SCGB1C2: variants seen among roughly 807,000 people sequenced by gnomAD.
SCGB1C2 encodes the protein secretoglobin family 1C member 2.
SCGB1C2 carries 3 observed loss-of-function variants against 8.4 expected under a neutral mutation model. That is an observed-to-expected ratio of 0.36 (90% CI 0.16 to 0.92). SCGB1C2 has a LOEUF of 0.92. Among genes scored for constraint, SCGB1C2 ranks in the 40% least tolerant of loss-of-function variants. The pLI is 0.45. For synonymous variants in SCGB1C2, 18 were observed against 44.9 expected (o/e 0.40, Z 2.39); for missense variants, 54 against 105.7 (o/e 0.51, Z 2.14).
chr17:138,860 C>T, intron 2 of SCGB1C2, 50 bp from the exon 3 acceptor site: 2 of 530,658 alleles, frequency 3.8e-6, no homozygotes, highest in Non-Finnish European at 6.5e-6. Context: ...AGCTGTGGCT[C>T]TCCACTTATT....
chr17:138,665 A>G lies in SCGB1C2; in HGVS notation c.256-245A>G, dbSNP rs1188610964. ...CAGAGATCCAAACACAGGTGCAGAC[A>G]TGAAATGTACACTGCGTGCACACAT... On this transcript the variant is annotated intron_variant, in intron 2 of 2. Transcript: ENST00000595228. Among the ~76,000 whole-genome samples, 2 of 83,676 alleles carry G rather than the reference A, an allele frequency of 2.4e-5. 1 individual carries two copies. Among genetic ancestry groups the G allele is most frequent in the African/African-American group, 1.0e-4 (2 of 19,904 alleles). The allele number at this position is 83,676 out of a possible 152,430, so 54.9% of individuals were successfully genotyped here. A position where few individuals can be genotyped will look rare whatever the true frequency, so the allele number is the denominator to read the frequency against.
chr17:138,361 G>A lies in SCGB1C2; in HGVS notation c.214G>A (p.Gly72Ser). ...AMTELKSCRD[G>S]LQPMHKAELV... ...GACTGAACTCAAGTCCTGCAGAGATGGCCTGCAGCCAATGCACAAGGCGGA... is the reference window on the plus strand; with the variant it reads ...GACTGAACTCAAGTCCTGCAGAGATAGCCTGCAGCCAATGCACAAGGCGGA... Residue 72 changes from glycine (G) to serine (S), a missense_variant, in exon 2 of 3, where the codon GGC (glycine) becomes AGC (serine). Gly to Ser is a moderately conservative substitution (Grantham distance 56, BLOSUM62 0). Around this residue, in one of 2 missense-constraint regions of SCGB1C2, gnomAD observed 54 missense variants for 68.0 expected, o/e 0.79. Coordinates refer to ENST00000595228, the MANE Select transcript of SCGB1C2 (RefSeq NM_001097610.3). The A allele has an allele frequency of 6.2e-7, 1 of 1,612,836 alleles. No homozygotes were observed. The highest frequency in any genetic ancestry group is 8.5e-7 in the Non-Finnish European group (1 of 1,179,816).
intron 2 of SCGB1C2, 126 bp from the exon 3 acceptor site, chr17:138,784 G>C (rs2039968445): frequency 1.9e-6 from 1 of 536,356 alleles, no homozygotes; most frequent in South Asian, 2.0e-5. Context: ...CCTCCCAGCT[G>C]CTGGGAGGAG....
intron 2 of SCGB1C2, 92 bp downstream of exon 2, chr17:138,494 G>A: frequency 1.8e-6 from 1 of 553,272 alleles, no homozygotes. Context: ...CCCACCCACA[G>A]ACATCCACCA....
Position 138,278 on chromosome 17 carries a change from A to G in SCGB1C2, c.131A>G (p.Glu44Gly). Residue 44 changes from glutamate to glycine, a missense_variant, in exon 2 of 3, where the codon GAG becomes GGG. Glu to Gly is a moderately conservative substitution (Grantham distance 98, BLOSUM62 -2). Coordinates refer to ENST00000595228, the MANE Select transcript of SCGB1C2 (RefSeq NM_001097610.3). ...LQTLLVGTPE[E>G]LYEGTLGKYN... ...ACACTACTGGTGGGGACCCCAGAGG[A>G]GCTCTATGAGGGGACCTTGGGCAAG... 8.1e-7 allele frequency: 1 copy of G among 1,227,972 alleles called. No homozygotes were observed. The allele number at this position is 1,227,972 out of a possible 1,614,324, so 76.1% of individuals were successfully genotyped here. A position where few individuals can be genotyped will look rare whatever the true frequency, so the allele number is the denominator to read the frequency against.
At chr17:138,712 C>CATGCTCACACTGGGAT in intron 2 of SCGB1C2, among the ~76,000 whole-genome samples, 198 bp from the exon 3 acceptor site, 1 of 76,726 alleles carries the variant, frequency 1.3e-5, no homozygotes, top group African/African-American at 5.4e-5. Flanking sequence ...TTCACACCCA[C>CATGCTCACACTGGGAT]ATGCTCACAC....
In SCGB1C2 at chr17:138,413, G is replaced by A. The variant is rs1464495670; in HGVS notation, c.255+11G>A. 50 of 1,495,460 alleles carry A rather than the reference G, an allele frequency of 3.3e-5. No individual in the cohort carries two copies. The highest frequency in any genetic ancestry group is 2.1e-4 in the African/African-American group (15 of 70,382). The allele number at this position is 1,495,460 out of a possible 1,614,324, so 92.6% of individuals were successfully genotyped here. A position where few individuals can be genotyped will look rare whatever the true frequency, so the allele number is the denominator to read the frequency against. On this transcript the variant is annotated intron_variant, in intron 2 of 2. Transcript: ENST00000595228. ...CTGGTCAAGCTGCTGGTATGAGGGCGGCGGGCACCCCATTTTCTAAAGATC... is the reference window on the plus strand; with the variant it reads ...CTGGTCAAGCTGCTGGTATGAGGGCAGCGGGCACCCCATTTTCTAAAGATC...
chr17:138,763 G>A, intron 2 of SCGB1C2, 147 bp from the exon 3 acceptor site: 1 of 504,922 alleles, frequency 2.0e-6, no homozygotes, highest in African/African-American at 3.0e-5. Context: ...ACCATCACAT[G>A]TGCACACACA....
Position 138,297 on chromosome 17 carries a change from G to C in SCGB1C2, c.150G>C (p.Leu50Phe), listed in dbSNP as rs1275456808. The change falls in exon 2 of 3, where the codon TTG becomes TTC. Residue 50 changes from leucine (L) to phenylalanine (F), a missense_variant. This residue lies in a region of SCGB1C2 where 54 missense variants were observed against 68.0 expected (regional missense o/e 0.79). Transcript: ENST00000595228. ...CAGAGGAGCTCTATGAGGGGACCTT[G>C]GGCAAGTACAATGTCAACGAAGATG... is the stretch of plus-strand genomic sequence containing the variant. ...GTPEELYEGT[L>F]GKYNVNEDAK... 42 of 1,549,018 alleles carry C rather than the reference G, an allele frequency of 2.7e-5. No homozygotes were observed. The highest frequency in any genetic ancestry group is 6.8e-5 in the Admixed American group (4 of 58,782).
intron 2 of SCGB1C2, 136 bp from the exon 3 acceptor site, chr17:138,774 C>T (rs2039968388): frequency 1.9e-6 from 1 of 525,704 alleles, no homozygotes; most frequent in Non-Finnish European, 3.4e-6. Context: ...TGCACACACA[C>T]CTCCCAGCTG....
In SCGB1C2 at chr17:139,038, AACCGTTTAATCAATAAAGCCTCTTCCGC is replaced by A; in HGVS notation, c.*98_*125del. On this transcript the variant is annotated 3_prime_UTR_variant, in exon 3 of 3. Coordinates refer to ENST00000595228, the MANE Select transcript of SCGB1C2 (RefSeq NM_001097610.3). ...CCTCCCACATGGAAATGTATCCTCA[AACCGTTTAATCAATAAAGCCTCTTCCGC>A]AGCTCAGGCTCCTGTCTCTGCCCCC... The A allele has an allele frequency of 3.5e-6, 2 of 574,304 alleles. No individual in the cohort carries two copies. Among genetic ancestry groups the A allele is most frequent in the South Asian group, 4.0e-5 (2 of 49,742 alleles). 35.6% of individuals were successfully genotyped at this position (574,304 alleles called of 1,614,324 possible).
rs1168341664 is a variant in SCGB1C2, at chr17:138,309, T to A, written c.162T>A (p.Asn54Lys). ...ATGAGGGGACCTTGGGCAAGTACAA[T>A]GTCAACGAAGATGCCAAGGCAGCAA... is the stretch of plus-strand genomic sequence containing the variant. ...ELYEGTLGKY[N>K]VNEDAKAAMT... Residue 54 changes from asparagine (N) to lysine (K), a missense_variant, in exon 2 of 3, where the codon AAT (asparagine) becomes AAA (lysine). This residue lies in a region of SCGB1C2 where 54 missense variants were observed against 68.0 expected (regional missense o/e 0.79). Coordinates refer to ENST00000595228, the MANE Select transcript of SCGB1C2 (RefSeq NM_001097610.3). 29 of 1,601,624 alleles carry A rather than the reference T, an allele frequency of 1.8e-5. No homozygotes were observed. The Admixed American group carries it at 4.7e-4, about 26-fold the overall frequency.
chr17:138,293 C>A lies in SCGB1C2; in HGVS notation c.146C>A (p.Thr49Asn), dbSNP rs1323079530. 45 of 1,506,972 alleles carry A rather than the reference C, an allele frequency of 3.0e-5. 1 individual carries two copies. In the South Asian group the frequency reaches 3.6e-4, roughly 12 times the overall value. 93.4% of individuals were successfully genotyped at this position (1,506,972 alleles called of 1,614,324 possible). Residue 49 changes from threonine (T) to asparagine (N), a missense_variant, in exon 2 of 3, where the codon ACC becomes AAC. Physicochemically the swap from Thr to Asn is moderately conservative, Grantham distance 65 (BLOSUM62 0). This residue lies in a region of SCGB1C2 where 54 missense variants were observed against 68.0 expected (regional missense o/e 0.79). Transcript: ENST00000595228. The stretch of plus-strand genomic sequence containing the variant: ...ACCCCAGAGGAGCTCTATGAGGGGA[C>A]CTTGGGCAAGTACAATGTCAACGAA... ...VGTPEELYEG[T>N]LGKYNVNEDA...
chr17:138,366 G>A lies in SCGB1C2; in HGVS notation c.219G>A (p.Leu73=), dbSNP rs1197185813. The A allele has an allele frequency of 1.9e-6, 3 of 1,612,486 alleles. No individual in the cohort carries two copies. In the African/African-American group the frequency reaches 4.0e-5, roughly 22 times the overall value. ...MTELKSCRDG[L]QPMHKAELVK... ...AACTCAAGTCCTGCAGAGATGGCCT[G>A]CAGCCAATGCACAAGGCGGAGCTGG... Residue 73 remains leucine (L), a synonymous_variant, in exon 2 of 3, where the codon CTG becomes CTA. Transcript: ENST00000595228.
rs2039966387 is a variant in SCGB1C2 at position 138,404 on chromosome 17, T to C, written c.255+2T>C. 6.3e-7 allele frequency: 1 copy of C among 1,597,436 alleles called. No homozygotes were observed. Among genetic ancestry groups the C allele is most frequent in the Non-Finnish European group, 8.5e-7 (1 of 1,172,008 alleles). On this transcript the variant is annotated splice_donor_variant, in intron 2 of 2. Coordinates refer to ENST00000595228, the MANE Select transcript of SCGB1C2 (RefSeq NM_001097610.3). LOFTEE classifies it high-confidence loss of function. ...AAGGCGGAGCTGGTCAAGCTGCTGG[T>C]ATGAGGGCGGCGGGCACCCCATTTT...
chr17:138,626 CAT>C (rs1161071384), intron 2 of SCGB1C2, among the ~76,000 whole-genome samples: 2 of 97,402 alleles, frequency 2.1e-5, no homozygotes, highest in Non-Finnish European at 4.3e-5. Context: ...TCCATGCACA[CAT>C]GTGAACATAC....
At chr17:138,701 G>A (rs1316062427) in intron 2 of SCGB1C2, among the ~76,000 whole-genome samples, 1,037 of 73,318 alleles carry the variant, frequency 0.014, 24 homozygotes, top group Non-Finnish European at 0.023. Flanking sequence ...GTATAAACAC[G>A]TTCACACCCA....
Position 138,395 on chromosome 17 carries a change from A to G in SCGB1C2, c.248A>G (p.Lys83Arg). 6.2e-7 allele frequency: 1 copy of G among 1,608,134 alleles called. No homozygotes were observed. The highest frequency in any genetic ancestry group is 8.5e-7 in the Non-Finnish European group (1 of 1,178,050). Residue 83 changes from lysine to arginine, a missense_variant, in exon 2 of 3, where the codon AAG (lysine) becomes AGG (arginine). By Grantham distance (26) the Lys-to-Arg change is conservative. Coordinates refer to ENST00000595228, the MANE Select transcript of SCGB1C2 (RefSeq NM_001097610.3). Reference sequence around the variant, plus strand: ...CCAATGCACAAGGCGGAGCTGGTCAAGCTGCTGGTATGAGGGCGGCGGGCA... The same window carrying G: ...CCAATGCACAAGGCGGAGCTGGTCAGGCTGCTGGTATGAGGGCGGCGGGCA... The part of the protein sequence containing the change: ...LQPMHKAELV[K>R]LLVQVLGSQD...
rs2151452992 is a variant in SCGB1C2 at position 138,925 on chromosome 17, A to T, written c.271A>T (p.Ser91Cys). ...LVKLLVQVLG[S>C]QDGA is the part of the protein sequence containing the mutation. ...TGCCTTCCAGGTGCAAGTGCTGGGC[A>T]GTCAGGACGGTGCCTAAGTGGACCT... is the stretch of plus-strand genomic sequence containing the variant. The change falls in exon 3 of 3, where the codon AGT becomes TGT. Residue 91 changes from serine to cysteine, a missense_variant. Physicochemically the swap from Ser to Cys is moderately radical, Grantham distance 112. Around this residue, in one of 2 missense-constraint regions of SCGB1C2, gnomAD observed 54 missense variants for 68.0 expected, o/e 0.79. Transcript: ENST00000595228. 1 of 677,956 alleles carries T rather than the reference A, an allele frequency of 1.5e-6. No individual in the cohort carries two copies. Among genetic ancestry groups the T allele is most frequent in the Non-Finnish European group, 2.5e-6 (1 of 392,890 alleles). 42.0% of individuals were successfully genotyped at this position (677,956 alleles called of 1,614,324 possible). A position where few individuals can be genotyped will look rare whatever the true frequency, so the allele number is the denominator to read the frequency against.
Sources: allele counts gnomAD v4.1 joint callset (sites outside exome capture counted in the v4.1 genomes callset), GRCh38; gene constraint gnomAD v4.1.1; regional missense constraint gnomAD v4.1.1; transcripts MANE v1.5; gene names NCBI Gene and HGNC (gene_info 2026-07-23, HGNC 2026-07-21).